Variants in PRDM5 observed in about 807,000 individuals in gnomAD.
PRDM5 encodes PR domain zinc finger protein 5.
PRDM5 carries 56 observed loss-of-function variants against 81.2 expected under a neutral mutation model. That is an observed-to-expected ratio of 0.69 (90% CI 0.56 to 0.86). The LOEUF (loss-of-function observed/expected upper bound fraction) is 0.86, where lower values mean the gene tolerates loss of function less well. PRDM5 is among the 40% of genes least tolerant of loss of function. The pLI, the probability that PRDM5 is intolerant of heterozygous loss-of-function variation, is 0.00. For synonymous variants in PRDM5, 267 were observed against 256.4 expected (o/e 1.04, Z -0.39); for missense variants, 697 against 770.1 (o/e 0.91, Z 1.12).
intron 1 of PRDM5, among the ~76,000 whole-genome samples, chr4:120,912,367 C>A (rs1227233366): frequency 6.6e-6 from 1 of 152,086 alleles, no homozygotes; most frequent in African/African-American, 2.4e-5. Flanking sequence ...TTATATCTAA[C>A]TTCCAGACTG....
intron 11 of PRDM5, among the ~76,000 whole-genome samples, chr4:120,781,880 G>T (rs981349865): frequency 1.3e-5 from 2 of 152,132 alleles, no homozygotes; most frequent in Non-Finnish European, 2.9e-5. Flanking sequence ...TTCAGCCCTT[G>T]GGCAGTTGGA....
intron 12 of PRDM5, among the ~76,000 whole-genome samples, chr4:120,777,804 T>C (rs1387231760): frequency 6.6e-6 from 1 of 152,168 alleles, no homozygotes; most frequent in Non-Finnish European, 1.5e-5. Flanking sequence ...AGGTGGTAAC[T>C]GAGCAGTCAA....
intron 13 of PRDM5, among the ~76,000 whole-genome samples, chr4:120,770,172 A>G (rs1315616016): frequency 1.3e-5 from 2 of 152,046 alleles, no homozygotes; most frequent in Non-Finnish European, 2.9e-5. Context: ...AGCTGGGATT[A>G]CAGGCACCCA....
chr4:120,859,785 T>C lies in PRDM5; in HGVS notation c.178-6245A>G, dbSNP rs183721958. On this transcript the variant is annotated intron_variant, in intron 2 of 15. Coordinates refer to ENST00000264808, the MANE Select transcript of PRDM5 (RefSeq NM_018699.4). ...AGAGTTTTAATTTCTCTACCATCTATAGCCCTTCAAATTTCTGAAGGCAAG... is the reference window on the plus strand; with the variant it reads ...AGAGTTTTAATTTCTCTACCATCTACAGCCCTTCAAATTTCTGAAGGCAAG... Among the ~76,000 whole-genome samples the C allele has an allele frequency of 1.4e-4, 21 of 152,300 alleles. 1 individual carries two copies. The East Asian group carries it at 1.7e-3, about 13-fold the overall frequency.
In PRDM5 at chr4:120,746,200, T is replaced by C. The variant is rs1449259645; in HGVS notation, c.1623+8353A>G. Among the ~76,000 whole-genome samples the C allele has an allele frequency of 7.4e-5, 6 of 81,258 alleles. No individual in the cohort carries two copies. In the East Asian group the frequency reaches 1.7e-3, roughly 23 times the overall value. The allele number at this position is 81,258 out of a possible 152,430, so 53.3% of individuals were successfully genotyped here. A position where few individuals can be genotyped will look rare whatever the true frequency, so the allele number is the denominator to read the frequency against. ...AATGGGGAAAGGATTCCCTATTTAA[T>C]AAATGGTGCTGGGAAAACTGGCTAG... is the stretch of plus-strand genomic sequence containing the variant. On this transcript the variant is annotated intron_variant, in intron 14 of 15. Transcript: ENST00000264808.
At chr4:120,741,753 T>A (rs1021480553) in intron 14 of PRDM5, among the ~76,000 whole-genome samples, 2 of 152,080 alleles carry the variant, frequency 1.3e-5, no homozygotes, top group Non-Finnish European at 2.9e-5. Flanking sequence ...CGAGATTATA[T>A]CATGCACCTG....
At chr4:120,724,081 T>C (rs1263246907) in intron 14 of PRDM5, among the ~76,000 whole-genome samples, 3 of 152,100 alleles carry the variant, frequency 2.0e-5, no homozygotes, top group Non-Finnish European at 4.4e-5. Flanking sequence ...AAAGGTCTTT[T>C]CCTATATTTG....
At chr4:120,860,660 T>C (rs1432706099) in intron 2 of PRDM5, among the ~76,000 whole-genome samples, 1 of 152,208 alleles carries the variant, frequency 6.6e-6, no homozygotes, top group African/African-American at 2.4e-5. Context: ...ATTAGCTTAT[T>C]GTACCCATTG....
intron 2 of PRDM5, among the ~76,000 whole-genome samples, chr4:120,877,648 T>C (rs1289078013): frequency 6.6e-6 from 1 of 152,060 alleles, no homozygotes; most frequent in African/African-American, 2.4e-5. Context: ...CTACTAACAA[T>C]ACAAAAATTA....
At chr4:120,915,721 C>A (rs1724072781) in intron 1 of PRDM5, among the ~76,000 whole-genome samples, 1 of 152,160 alleles carries the variant, frequency 6.6e-6, no homozygotes, top group Admixed American at 6.5e-5. Context: ...AGGACTCCTA[C>A]CACTGGGGAA....
At chr4:120,747,277 A>T (rs1267347767) in intron 14 of PRDM5, among the ~76,000 whole-genome samples, 1 of 113,766 alleles carries the variant, frequency 8.8e-6, no homozygotes, top group Admixed American at 1.2e-4. Flanking sequence ...CACTCTGGGG[A>T]CTGTTGTGGG....
intron 14 of PRDM5, among the ~76,000 whole-genome samples, chr4:120,742,968 A>G (rs997341889): frequency 4.5e-4 from 69 of 152,086 alleles, no homozygotes; most frequent in Non-Finnish European, 9.1e-4. Flanking sequence ...ACTCCAAGAC[A>G]CATAATTGTC....
intron 14 of PRDM5, among the ~76,000 whole-genome samples, chr4:120,719,169 C>T (rs911969854): frequency 6.6e-6 from 1 of 152,166 alleles, no homozygotes; most frequent in African/African-American, 2.4e-5. Context: ...GTCAGTAGTA[C>T]ACCCTTCCCC....
At chr4:120,800,516 CAA>C (rs34793587) in intron 8 of PRDM5, among the ~76,000 whole-genome samples, 24 of 121,886 alleles carry the variant, frequency 2.0e-4, no homozygotes, top group East Asian at 4.5e-4. Flanking sequence ...GACTCGGTCT[CAA>C]AAAAAAAAAA....
intron 1 of PRDM5, among the ~76,000 whole-genome samples, chr4:120,915,955 T>C (rs918900839): frequency 2.6e-5 from 4 of 152,020 alleles, no homozygotes; most frequent in East Asian, 1.9e-4. Flanking sequence ...CGAAGTCCAC[T>C]GTGGGGAGAA....
chr4:120,839,003 G>A (rs1173799133), intron 3 of PRDM5: 2 of 548,926 alleles, frequency 3.6e-6, no homozygotes, highest in African/African-American at 1.9e-5. Flanking sequence ...CTGCCAGGCT[G>A]CAGCTGGGAC....
chr4:120,757,143 A>C (rs889812012), intron 13 of PRDM5, among the ~76,000 whole-genome samples: 1 of 152,256 alleles, frequency 6.6e-6, no homozygotes, highest in African/African-American at 2.4e-5. Flanking sequence ...AAGACTAGTG[A>C]GGAATTTTAA....
chr4:120,714,300 T>C (rs779775572), intron 14 of PRDM5, among the ~76,000 whole-genome samples: 1 of 152,198 alleles, frequency 6.6e-6, no homozygotes, highest in African/African-American at 2.4e-5. Flanking sequence ...AGATATATAA[T>C]AGACTAATTT....
At chr4:120,704,975 GA>G (rs1735903228) in intron 15 of PRDM5, among the ~76,000 whole-genome samples, 1 of 152,292 alleles carries the variant, frequency 6.6e-6, no homozygotes, top group East Asian at 1.9e-4. Context: ...TTGAAAGCTG[GA>G]AACAAATCCT....
Sources: allele counts gnomAD v4.1 joint callset (sites outside exome capture counted in the v4.1 genomes callset), GRCh38; gene constraint gnomAD v4.1.1; transcripts MANE v1.5; gene names NCBI Gene and HGNC (gene_info 2026-07-23, HGNC 2026-07-21).